The following NCAM2 variants were observed in gnomAD, a reference collection of about 807,000 sequenced individuals.
The protein encoded by NCAM2 is neural cell adhesion molecule 2.
In NCAM2, 30 loss-of-function variants were observed where a neutral mutation model predicts 98.1. That is an observed-to-expected ratio of 0.31 (90% CI 0.23 to 0.41). The LOEUF (loss-of-function observed/expected upper bound fraction) is 0.41, where lower values mean the gene tolerates loss of function less well. Ranked by LOEUF, NCAM2 falls within the 10% of genes least tolerant of loss-of-function variation. The pLI, the probability that NCAM2 is intolerant of heterozygous loss-of-function variation, is 1.00. For missense variants in NCAM2, 867 were observed against 1,005.8 expected (o/e 0.86, Z 1.87); for synonymous variants, 368 against 342.4 (o/e 1.07, Z -0.83).
chr21:21,087,044 C>T (rs777726183), intron 1 of NCAM2, among the ~76,000 whole-genome samples: 1 of 149,594 alleles, frequency 6.7e-6, no homozygotes, highest in Non-Finnish European at 1.5e-5. Context: ...ACAAGAATGA[C>T]ATGAAAGTTT....
chr21:21,341,961 A>T (rs2075053056), intron 8 of NCAM2, among the ~76,000 whole-genome samples: 1 of 152,072 alleles, frequency 6.6e-6, no homozygotes, highest in Non-Finnish European at 1.5e-5. Flanking sequence ...GTCCTTTCTG[A>T]AAAGAAAAAA....
chr21:21,329,678 G>T (rs1033676201), intron 6 of NCAM2, among the ~76,000 whole-genome samples: 1 of 151,830 alleles, frequency 6.6e-6, no homozygotes, highest in Non-Finnish European at 1.5e-5. Context: ...TAGTGTCAGA[G>T]AATGAGTAGT....
At chr21:21,055,447 A>C in intron 1 of NCAM2, among the ~76,000 whole-genome samples, 1 of 152,096 alleles carries the variant, frequency 6.6e-6, no homozygotes, top group Admixed American at 6.6e-5. Flanking sequence ...TTACTAAAAT[A>C]ATGACAGTTT....
At chr21:21,391,278 G>T (rs1445129604) in intron 9 of NCAM2, among the ~76,000 whole-genome samples, 5 of 151,960 alleles carry the variant, frequency 3.3e-5, no homozygotes, top group Non-Finnish European at 1.5e-5. Context: ...GCAAATAATT[G>T]AACATACTTA....
rs1010825106 is a variant in NCAM2 at position 21,210,379 on chromosome 21, A to C, written c.56-70199A>C. 2.8e-4 allele frequency among the ~76,000 whole-genome samples: 42 copies of C among 152,174 alleles called. 1 individual carries two copies. The highest frequency in any genetic ancestry group is 1.5e-5 in the Non-Finnish European group (1 of 68,020). On this transcript the variant is annotated intron_variant, in intron 1 of 17. Coordinates refer to ENST00000400546, the MANE Select transcript of NCAM2 (RefSeq NM_004540.5). ...AAAACACTTTAATCACCTAGATTCT[A>C]TAAGCTGAGGAATTAATTTATTTAA...
At chr21:21,433,660 G>A (rs1375264327) in intron 12 of NCAM2, among the ~76,000 whole-genome samples, 5 of 151,114 alleles carry the variant, frequency 3.3e-5, no homozygotes, top group Admixed American at 6.6e-5. Flanking sequence ...GGAGAATGGC[G>A]TGAACCTGGG....
intron 1 of NCAM2, among the ~76,000 whole-genome samples, chr21:21,088,324 A>G (rs1270961612): frequency 3.3e-5 from 5 of 152,228 alleles, no homozygotes; most frequent in Non-Finnish European, 1.5e-5. Context: ...ATATATTAAT[A>G]GAATTGTTTA....
intron 16 of NCAM2, among the ~76,000 whole-genome samples, chr21:21,525,989 G>A (rs1989299534): frequency 6.6e-6 from 1 of 152,074 alleles, no homozygotes; most frequent in South Asian, 2.1e-4. Context: ...ATGAGGGGTG[G>A]ACCTTCCTTA....
intron 11 of NCAM2, among the ~76,000 whole-genome samples, chr21:21,420,616 T>C (rs1419726969): frequency 6.6e-6 from 1 of 152,018 alleles, no homozygotes; most frequent in Non-Finnish European, 1.5e-5. Flanking sequence ...TGTATAAATA[T>C]ATTCTAAATA....
intron 3 of NCAM2, among the ~76,000 whole-genome samples, chr21:21,285,069 G>A (rs551107644): frequency 5.1e-4 from 78 of 151,838 alleles, no homozygotes; most frequent in African/African-American, 1.8e-3. Flanking sequence ...AGCAAATCAT[G>A]TAACCTCTCT....
At chr21:21,084,196 A>G (rs918237637) in intron 1 of NCAM2, among the ~76,000 whole-genome samples, 14 of 152,144 alleles carry the variant, frequency 9.2e-5, no homozygotes, top group Non-Finnish European at 1.6e-4. Flanking sequence ...CATCTCATTC[A>G]TGAGGGTTCT....
intron 11 of NCAM2, among the ~76,000 whole-genome samples, chr21:21,421,527 G>A (rs968962447): frequency 6.6e-6 from 1 of 151,972 alleles, no homozygotes; most frequent in African/African-American, 2.4e-5. Context: ...GCCTTAGATG[G>A]GAAACATGCA....
At chr21:21,496,317 T>C (rs1475159618) in intron 15 of NCAM2, among the ~76,000 whole-genome samples, 1 of 152,058 alleles carries the variant, frequency 6.6e-6, no homozygotes, top group East Asian at 1.9e-4. Context: ...TTCTCATTGG[T>C]GCGAGATACT....
chr21:21,175,393 C>T (rs1569109966), intron 1 of NCAM2, among the ~76,000 whole-genome samples: 1 of 152,054 alleles, frequency 6.6e-6, no homozygotes, highest in South Asian at 2.1e-4. Flanking sequence ...ATTATCTGGG[C>T]ATGGTGGCAT....
chr21:21,258,548 A>G lies in NCAM2; in HGVS notation c.56-22030A>G, dbSNP rs550799698. On this transcript the variant is annotated intron_variant, in intron 1 of 17. Transcript: ENST00000400546. ...CCCTGCAACAACCTGCTGACTGCCA[A>G]TCTGCTGGGGAGGCCCTCCACCCTC... Among the ~76,000 whole-genome samples the G allele has an allele frequency of 4.8e-4, 73 of 152,232 alleles. 1 individual carries two copies. The highest frequency in any genetic ancestry group is 1.7e-3 in the African/African-American group (71 of 41,554).
chr21:21,024,902 A>AT (rs1194945025), intron 1 of NCAM2, among the ~76,000 whole-genome samples: 4 of 152,126 alleles, frequency 2.6e-5, no homozygotes. Flanking sequence ...AAAAAAAAAA[A>AT]AAGTGTACAG....
rs893609211 is a variant in NCAM2 at position 21,540,328 on chromosome 21, C to A, written c.*2371C>A. On this transcript the variant is annotated 3_prime_UTR_variant, in exon 18 of 18. Transcript: ENST00000400546. ...ATATGATGTTAAATTTCCTGCCACT[C>A]ATGTGGAGTAATGATCTGAAATTAA... The A allele has an allele frequency of 6.6e-6, 1 of 150,670 alleles. No individual in the cohort carries two copies. Among genetic ancestry groups the A allele is most frequent in the East Asian group, 1.9e-4 (1 of 5,164 alleles). 9.3% of individuals were successfully genotyped at this position (150,670 alleles called of 1,614,324 possible).
intron 9 of NCAM2, among the ~76,000 whole-genome samples, chr21:21,400,167 G>A (rs1244941014): frequency 6.6e-6 from 1 of 152,134 alleles, no homozygotes; most frequent in African/African-American, 2.4e-5. Context: ...ATGAAACATT[G>A]AGGAAGGTGA....
At chr21:21,443,944 T>G (rs909583460) in intron 12 of NCAM2, among the ~76,000 whole-genome samples, 4 of 152,190 alleles carry the variant, frequency 2.6e-5, no homozygotes, top group African/African-American at 9.6e-5. Context: ...AATTCTAGTT[T>G]TTGCCCATTC....
Sources: allele counts gnomAD v4.1 joint callset (sites outside exome capture counted in the v4.1 genomes callset), GRCh38; gene constraint gnomAD v4.1.1; transcripts MANE v1.5; gene names NCBI Gene and HGNC (gene_info 2026-07-23, HGNC 2026-07-21).